Variants in KLHL4 observed in about 807,000 individuals in gnomAD.
KLHL4 encodes kelch-like protein 4.
Under a neutral mutation model 45.8 loss-of-function variants are expected in KLHL4, and 17 were observed. The observed-to-expected ratio is 0.37, with a 90% CI of 0.25 to 0.56. The LOEUF is 0.56. Among genes scored for constraint, KLHL4 ranks in the 20% least tolerant of loss-of-function variants. KLHL4 has a pLI of 0.79. For missense variants in KLHL4, 544 were observed against 544.9 expected, an observed-to-expected ratio of 1.00 and a Z score of 0.02; for synonymous variants, 224 against 189.9, an observed-to-expected ratio of 1.18 and a Z score of -1.47.
At chrX:87,636,643 G>A (rs1923273292) in intron 9 of KLHL4, among the ~76,000 whole-genome samples, 1 of 110,894 alleles carries the variant, frequency 9.0e-6, no homozygotes, top group Non-Finnish European at 1.9e-5. Flanking sequence ...TGCAGTGGGA[G>A]TGAGACCAGC....
chrX:87,668,645 C>A lies in KLHL4; in HGVS notation c.*2111C>A, dbSNP rs1924459748. On this transcript the variant is annotated 3_prime_UTR_variant, in exon 11 of 11. Transcript: ENST00000373119. ...TCTGTGCCCTCCTGAATGGATTAAT[C>A]CATTCATGGATTAATGGATTATTAT... 6.2e-6 allele frequency: 1 copy of A among 160,073 alleles called. No individual in the cohort carries two copies. Among genetic ancestry groups the A allele is most frequent in the Non-Finnish European group, 1.0e-5 (1 of 96,983 alleles). The allele number at this position is 160,073 out of a possible 1,213,427, so 13.2% of individuals were successfully genotyped here. A position where few individuals can be genotyped will look rare whatever the true frequency, so the allele number is the denominator to read the frequency against.
intron 9 of KLHL4, 152 bp from the exon 10 acceptor site, chrX:87,664,612 C>A: frequency 4.9e-6 from 2 of 406,035 alleles, no homozygotes; most frequent in Non-Finnish European, 8.3e-6. Context: ...TTGTCACGTA[C>A]ATATCCTTAA....
At chrX:87,658,759 T>G (rs750454983) in intron 9 of KLHL4, among the ~76,000 whole-genome samples, 2 of 111,343 alleles carry the variant, frequency 1.8e-5, no homozygotes, top group East Asian at 5.7e-4. Flanking sequence ...TTTTGCTACT[T>G]CCTCGTGAGT....
intron 1 of KLHL4, among the ~76,000 whole-genome samples, chrX:87,579,400 C>T (rs1459461518): frequency 9.1e-6 from 1 of 110,429 alleles, no homozygotes; most frequent in Non-Finnish European, 1.9e-5. Flanking sequence ...GGAAATTCCA[C>T]AAGGAAAAGA....
At chrX:87,625,529 C>A in intron 5 of KLHL4, 81 bp from the exon 6 acceptor site, 2 of 877,627 alleles carry the variant, frequency 2.3e-6, no homozygotes, top group Non-Finnish European at 3.2e-6. Context: ...CTGCGCCCAG[C>A]CTCTAAAGTT....
chrX:87,605,208 C>A (rs747169774), intron 1 of KLHL4, among the ~76,000 whole-genome samples: 1 of 111,294 alleles, frequency 9.0e-6, no homozygotes, highest in East Asian at 2.8e-4. Context: ...ATGGCTCCAA[C>A]CTCATTTTTT....
At chrX:87,656,567 T>C (rs1225501957) in intron 9 of KLHL4, among the ~76,000 whole-genome samples, 1 of 109,158 alleles carries the variant, frequency 9.2e-6, no homozygotes, top group Non-Finnish European at 1.9e-5. Context: ...TCTATCTCTT[T>C]GGCAAATTTA....
rs1478804543 is a variant in KLHL4 at position 87,669,956 on chromosome X, C to A, written c.*3422C>A. 8.9e-6 allele frequency: 1 copy of A among 112,414 alleles called. No homozygotes were observed. The highest frequency in any genetic ancestry group is 1.9e-5 in the Non-Finnish European group (1 of 53,686). 9.3% of individuals were successfully genotyped at this position (112,414 alleles called of 1,213,427 possible). A position where few individuals can be genotyped will look rare whatever the true frequency, so the allele number is the denominator to read the frequency against. On this transcript the variant is annotated 3_prime_UTR_variant, in exon 11 of 11. Transcript: ENST00000373119. ...TGTTTAATTAGCTTGATTTAATCAT[C>A]CCACACTGTATACATATGCCAAAAT...
chrX:87,597,917 T>C (rs1217241275), intron 1 of KLHL4, among the ~76,000 whole-genome samples: 2 of 110,660 alleles, frequency 1.8e-5, no homozygotes, highest in Admixed American at 9.7e-5. Context: ...TGCAGAGAGA[T>C]CATCTCAATG....
intron 1 of KLHL4, among the ~76,000 whole-genome samples, chrX:87,543,742 A>G (rs190489875): frequency 1.9e-4 from 21 of 111,176 alleles, no homozygotes; most frequent in African/African-American, 6.9e-4. Flanking sequence ...AAGAGCCAAA[A>G]TGCTCTCAGT....
intron 1 of KLHL4, among the ~76,000 whole-genome samples, chrX:87,526,975 G>A (rs114818331): frequency 1.8e-3 from 200 of 111,680 alleles, no homozygotes; most frequent in African/African-American, 6.3e-3. Flanking sequence ...CATTTTACAA[G>A]AAAATTTAAG....
At chrX:87,527,868 C>T (rs1486429849) in intron 1 of KLHL4, among the ~76,000 whole-genome samples, 1 of 104,085 alleles carries the variant, frequency 9.6e-6, no homozygotes, top group Non-Finnish European at 2.0e-5. Flanking sequence ...AACCTGAGCA[C>T]ACAAGAAACA....
Position 87,669,592 on chromosome X carries a change from T to C in KLHL4, c.*3058T>C, listed in dbSNP as rs1231821140. 8.6e-6 allele frequency: 3 copies of C among 350,791 alleles called. No individual in the cohort carries two copies. The highest frequency in any genetic ancestry group is 1.4e-5 in the Non-Finnish European group (3 of 218,873). 28.9% of individuals were successfully genotyped at this position (350,791 alleles called of 1,213,427 possible). On this transcript the variant is annotated 3_prime_UTR_variant, in exon 11 of 11. Coordinates refer to ENST00000373119, the MANE Select transcript of KLHL4 (RefSeq NM_019117.5). ...AGACTCCTACCTTGAGATCTTAGTC[T>C]AGGTAAAGAAAAAAAAAAAAAGGTC...
chrX:87,558,405 A>G (rs1932026388), intron 1 of KLHL4, among the ~76,000 whole-genome samples: 1 of 96,430 alleles, frequency 1.0e-5, no homozygotes, highest in South Asian at 4.7e-4. Flanking sequence ...TTCAATAAAT[A>G]TTAACATTAT....
chrX:87,603,648 CATG>C (rs751304416), intron 1 of KLHL4, among the ~76,000 whole-genome samples: 13 of 110,581 alleles, frequency 1.2e-4, no homozygotes, highest in South Asian at 7.5e-4. Flanking sequence ...ATGATCAAAT[CATG>C]ATATTTATAT....
chrX:87,608,207 C>T (rs1380634953), intron 1 of KLHL4, among the ~76,000 whole-genome samples: 1 of 111,908 alleles, frequency 8.9e-6, no homozygotes, highest in African/African-American at 3.3e-5. Context: ...TCAATACCAC[C>T]ACTTCTATAA....
At chrX:87,664,651 A>G (rs771782496) in intron 9 of KLHL4, 113 bp from the exon 10 acceptor site, 7 of 494,818 alleles carry the variant, frequency 1.4e-5, no homozygotes, top group Non-Finnish European at 2.0e-5. Flanking sequence ...TGATATTTGT[A>G]TAGTGTTTTT....
At chrX:87,638,127 C>T (rs1173410982) in intron 9 of KLHL4, among the ~76,000 whole-genome samples, 1 of 109,528 alleles carries the variant, frequency 9.1e-6, no homozygotes, top group East Asian at 2.8e-4. Flanking sequence ...TCAAATTAAC[C>T]CAATCCGACA....
At chrX:87,571,615 T>A (rs774587487) in intron 1 of KLHL4, among the ~76,000 whole-genome samples, 1 of 111,438 alleles carries the variant, frequency 9.0e-6, no homozygotes, top group Admixed American at 9.5e-5. Flanking sequence ...TAAAAATGTT[T>A]CTAATTTTAA....
Sources: gnomAD v4.1 joint callset for allele counts (sites outside exome capture counted in the v4.1 genomes callset) on GRCh38, gnomAD v4.1.1 for gene constraint, MANE v1.5 for transcripts, NCBI Gene and HGNC (gene_info 2026-07-23, HGNC 2026-07-21) for gene names.